Variants in CLYBL observed in about 807,000 individuals in gnomAD.
The protein encoded by CLYBL is citramalyl-CoA lyase, also known as citramalyl-CoA lyase, mitochondrial.
CLYBL carries 31 observed loss-of-function variants against 38.9 expected under a neutral mutation model. The observed-to-expected ratio is 0.80, with a 90% confidence interval of 0.60 to 1.08. The LOEUF is 1.08. CLYBL is among the 50% of genes least tolerant of loss of function. The pLI is 0.00. For synonymous variants in CLYBL, 171 were observed against 158.6 expected, an observed-to-expected ratio of 1.08 and a Z score of -0.59; for missense variants, 434 against 411.6, an observed-to-expected ratio of 1.05 and a Z score of -0.47.
At chr13:99,704,059 G>A (rs2048110075) in intron 1 of CLYBL, among the ~76,000 whole-genome samples, 1 of 152,158 alleles carries the variant, frequency 6.6e-6, no homozygotes, top group African/African-American at 2.4e-5. Flanking sequence ...AGTTATTTAT[G>A]TAAAAGTTGC....
chr13:99,733,631 G>T (rs1203914450), intron 1 of CLYBL, among the ~76,000 whole-genome samples: 2 of 152,218 alleles, frequency 1.3e-5, no homozygotes, highest in African/African-American at 4.8e-5. Context: ...GGAAAATATG[G>T]TTCCTTCCCT....
intron 2 of CLYBL, among the ~76,000 whole-genome samples, chr13:99,816,791 T>G (rs1057203160): frequency 6.6e-6 from 1 of 152,194 alleles, no homozygotes; most frequent in Non-Finnish European, 1.5e-5. Flanking sequence ...AAATTTTTAT[T>G]GTTTATAAGC....
chr13:99,732,314 C>A (rs78211776), intron 1 of CLYBL, among the ~76,000 whole-genome samples: 3,333 of 151,940 alleles, frequency 0.022, 110 homozygotes, highest in African/African-American at 0.077. Context: ...GCGTCCCCCA[C>A]CAACAAGTAG....
chr13:99,669,006 CTTT>C (rs373579427), intron 1 of CLYBL, among the ~76,000 whole-genome samples: 1 of 140,118 alleles, frequency 7.1e-6, no homozygotes. Context: ...AGGCCCTCAG[CTTT>C]TTTTTTTTTT....
chr13:99,869,189 C>A lies in CLYBL; in HGVS notation c.803-1749C>A, dbSNP rs7994852. On this transcript the variant is annotated intron_variant, in intron 6 of 8. Transcript: ENST00000339105. The surrounding 1 kb of genome is among the most constrained non-coding windows in gnomAD (Gnocchi z 4.3). ...GTATCTTAAAATTAGCCTCATTGCC[C>A]AAATATAGGTACTGGAGGATGGAGA... Among the ~76,000 whole-genome samples the A allele has an allele frequency of 0.76, 115,824 of 152,072 alleles. 44,334 individuals carry two copies. The highest frequency in any genetic ancestry group is 0.97 in the East Asian group (5,001 of 5,182).
chr13:99,751,626 G>A (rs1014938657), intron 1 of CLYBL, among the ~76,000 whole-genome samples: 70 of 152,194 alleles, frequency 4.6e-4, no homozygotes, highest in Non-Finnish European at 7.9e-4. Context: ...TCATAGAGAT[G>A]GAAAGTCAAA....
At chr13:99,640,381 G>GACCTAACATTAA (rs1233753874) in intron 1 of CLYBL, among the ~76,000 whole-genome samples, 2 of 152,152 alleles carry the variant, frequency 1.3e-5, no homozygotes. Context: ...TAGGCTGAGG[G>GACCTAACATTAA]TGTTTATTGT....
At chr13:99,795,815 A>G (rs1012949998) in intron 2 of CLYBL, among the ~76,000 whole-genome samples, 2 of 152,174 alleles carry the variant, frequency 1.3e-5, no homozygotes, top group Non-Finnish European at 2.9e-5. Flanking sequence ...TGGAGCCTCC[A>G]GGGGTAGAAG....
chr13:99,763,141 A>G (rs1289677788), intron 1 of CLYBL, among the ~76,000 whole-genome samples: 2 of 152,158 alleles, frequency 1.3e-5, no homozygotes, highest in African/African-American at 4.8e-5. Context: ...CTTCTTTTCC[A>G]GTTTGGATAC....
Position 99,606,735 on chromosome 13 carries a change from G to C in CLYBL, c.40G>C (p.Ala14Pro). The change falls in exon 1 of 9, where the codon GCG becomes CCG. Residue 14 changes from alanine (A) to proline (P), a missense_variant. By Grantham distance (27) the Ala-to-Pro change is conservative. Coordinates refer to ENST00000339105, the MANE Select transcript of CLYBL (RefSeq NM_206808.5). ...RLLRRAARGA[A>P]AAALLRLKAS... ...GCTGCGGAGGGCGGCGCGCGGAGCT[G>C]CGGCGGCGGCGCTGCTGAGGCTGTG... The C allele has an allele frequency of 6.7e-7, 1 of 1,486,298 alleles. No individual in the cohort carries two copies. Among genetic ancestry groups the C allele is most frequent in the South Asian group, 1.3e-5 (1 of 78,048 alleles). 92.1% of individuals were successfully genotyped at this position (1,486,298 alleles called of 1,614,324 possible). A position where few individuals can be genotyped will look rare whatever the true frequency, so the allele number is the denominator to read the frequency against.
At chr13:99,842,340 T>A (rs1431696931) in intron 2 of CLYBL, among the ~76,000 whole-genome samples, 1 of 152,110 alleles carries the variant, frequency 6.6e-6, no homozygotes. Context: ...TTTGACTGCT[T>A]TGGGGAGAAG....
chr13:99,807,790 A>G (rs2050261153), intron 2 of CLYBL, among the ~76,000 whole-genome samples: 1 of 152,222 alleles, frequency 6.6e-6, no homozygotes, highest in South Asian at 2.1e-4. Flanking sequence ...AGTAAATTTT[A>G]TGTTAGGTAT....
chr13:99,726,380 GT>G (rs2048472224), intron 1 of CLYBL: 1 of 152,170 alleles, frequency 6.6e-6, no homozygotes, highest in African/African-American at 2.4e-5. Flanking sequence ...CTGCTTCTTG[GT>G]AATCAGGTTT....
chr13:99,709,171 A>G (rs1403386973), intron 1 of CLYBL, among the ~76,000 whole-genome samples: 1 of 152,080 alleles, frequency 6.6e-6, no homozygotes, highest in Non-Finnish European at 1.5e-5. Context: ...AAAAGAGAAA[A>G]TTTGGGCACA....
chr13:99,888,668 G>A (rs763343918), intron 7 of CLYBL, among the ~76,000 whole-genome samples: 5 of 152,210 alleles, frequency 3.3e-5, no homozygotes, highest in South Asian at 2.1e-4. Context: ...CAGGAGAATC[G>A]AACCCGGGAG....
At chr13:99,666,717 A>G (rs1045286872) in intron 1 of CLYBL, among the ~76,000 whole-genome samples, 2 of 152,124 alleles carry the variant, frequency 1.3e-5, no homozygotes, top group Non-Finnish European at 2.9e-5. Flanking sequence ...TTTTTCCCGC[A>G]TTTGAATCAG....
At chr13:99,769,738 T>G (rs1260146265) in intron 1 of CLYBL, among the ~76,000 whole-genome samples, 1 of 152,154 alleles carries the variant, frequency 6.6e-6, no homozygotes, top group Non-Finnish European at 1.5e-5. Flanking sequence ...TCACCATACC[T>G]CACATGATAC....
At chr13:99,819,695 G>A (rs756781231) in intron 2 of CLYBL, among the ~76,000 whole-genome samples, 8 of 151,658 alleles carry the variant, frequency 5.3e-5, no homozygotes, top group Non-Finnish European at 1.0e-4. Flanking sequence ...TGAAGGCCCC[G>A]CAGCCAGGAG....
intron 1 of CLYBL, among the ~76,000 whole-genome samples, chr13:99,666,342 C>G (rs532196249): frequency 6.6e-6 from 1 of 152,202 alleles, no homozygotes; most frequent in Non-Finnish European, 1.5e-5. Context: ...ACCTGAGTGG[C>G]TTTAGGCAGC....
Sources: gnomAD v4.1 joint callset for allele counts (sites outside exome capture counted in the v4.1 genomes callset) on GRCh38, gnomAD v4.1.1 for gene constraint, Gnocchi (gnomAD v3.1) non-coding constraint, MANE v1.5 for transcripts, NCBI Gene and HGNC (gene_info 2026-07-23, HGNC 2026-07-21) for gene names.